GTPBP1: variants seen among roughly 807,000 people sequenced by gnomAD.
GTPBP1 encodes GTP binding protein 1, also known as GTP-binding protein 1.
In GTPBP1, 23 loss-of-function variants were observed where a neutral mutation model predicts 62.0. The ratio of observed to expected loss-of-function variants is 0.37; its 90% CI spans 0.27 to 0.53. GTPBP1 has a LOEUF of 0.53. GTPBP1 is among the 20% of genes least tolerant of loss of function. The pLI is 0.89. For synonymous variants in GTPBP1, 344 were observed against 364.4 expected (o/e 0.94, Z 0.64); for missense variants, 640 against 917.3 (o/e 0.70, Z 3.90).
chr22:38,737,584 C>T (rs55856268), downstream of GTPBP1, among the ~76,000 whole-genome samples: 18,629 of 152,160 alleles, frequency 0.12, 1,484 homozygotes, highest in Non-Finnish European at 0.17. The surrounding 1 kb of genome is among the most constrained non-coding windows in gnomAD (Gnocchi z 4.1). Context: ...GTGGCCTCCT[C>T]TTCCTGCCAC....
In GTPBP1 at chr22:38,726,827, C is replaced by T. The variant is rs2092729269; in HGVS notation, c.1402-386C>T. 1.3e-5 allele frequency among the ~76,000 whole-genome samples: 2 copies of T among 152,178 alleles called. No individual in the cohort carries two copies. The highest frequency in any genetic ancestry group is 2.9e-5 in the Non-Finnish European group (2 of 68,020). On this transcript the variant is annotated intron_variant, in intron 8 of 11. Coordinates refer to ENST00000216044, the MANE Select transcript of GTPBP1 (RefSeq NM_004286.5). This position sits in a 1 kb window ranked among gnomAD's most constrained non-coding sequence, Gnocchi z 4.1. ...CTGGGGTTTGGGGTGGGTTGTAGTT[C>T]AGGGGTCACCTACCTTTACCCACCA...
downstream of GTPBP1, chr22:38,738,164 A>G: frequency 6.2e-7 from 1 of 1,613,676 alleles, no homozygotes. This position sits in a 1 kb window ranked among gnomAD's most constrained non-coding sequence, Gnocchi z 6.6. Flanking sequence ...GCACAGCAGC[A>G]TCCCGTACCT....
chr22:38,719,246 A>G (rs985922928), intron 4 of GTPBP1, among the ~76,000 whole-genome samples: 4 of 152,196 alleles, frequency 2.6e-5, no homozygotes, highest in African/African-American at 9.7e-5. Flanking sequence ...ACCTCCAGCA[A>G]TCTGCCCACC....
chr22:38,737,093 CG>C (rs2092812335), downstream of GTPBP1, among the ~76,000 whole-genome samples: 11 of 152,218 alleles, frequency 7.2e-5, no homozygotes, highest in African/African-American at 2.4e-4. The surrounding 1 kb of genome is among the most constrained non-coding windows in gnomAD (Gnocchi z 4.1). Flanking sequence ...GCAATCCCCT[CG>C]CCTTGGCCTT....
intron 2 of GTPBP1, among the ~76,000 whole-genome samples, chr22:38,713,834 A>G (rs371353805): frequency 1.3e-5 from 2 of 152,236 alleles, no homozygotes; most frequent in East Asian, 1.9e-4. Context: ...GAGTTTGGAT[A>G]TCAGACTTCT....
At chr22:38,724,208 A>G in intron 5 of GTPBP1, 89 bp from the exon 6 acceptor site, 1 of 750,734 alleles carries the variant, frequency 1.3e-6, no homozygotes, top group African/African-American at 1.7e-5. Flanking sequence ...TCCTGCTTGC[A>G]TCAGTAATGA....
intron 10 of GTPBP1, 110 bp downstream of exon 10, chr22:38,728,271 C>A: frequency 1.3e-6 from 1 of 770,186 alleles, no homozygotes; most frequent in Non-Finnish European, 2.2e-6. Context: ...GAGAGCTGGA[C>A]CCACTGAGGT....
At chr22:38,724,973 A>G (rs184841143) in intron 6 of GTPBP1, among the ~76,000 whole-genome samples, 28 of 152,306 alleles carry the variant, frequency 1.8e-4, no homozygotes, top group African/African-American at 6.3e-4. Flanking sequence ...ATTGAACACA[A>G]TCCTTGTCCT....
At chr22:38,741,946 GC>G (rs1263062885), downstream of GTPBP1, among the ~76,000 whole-genome samples, 3 of 139,574 alleles carry the variant, frequency 2.1e-5, no homozygotes, top group South Asian at 2.3e-4. Context: ...TTCGAGACCA[GC>G]CTGGCCAACT....
chr22:38,730,657 A>G lies in GTPBP1; in HGVS notation c.1963A>G (p.Lys655Glu). 2 of 1,606,122 alleles carry G rather than the reference A, an allele frequency of 1.2e-6. No homozygotes were observed. Among genetic ancestry groups the G allele is most frequent in the Non-Finnish European group, 1.7e-6 (2 of 1,179,206 alleles). The change falls in exon 12 of 12, where the codon AAG (lysine) becomes GAG (glutamate). Residue 655 changes from lysine to glutamate, a missense_variant. By Grantham distance (56) the Lys-to-Glu change is moderately conservative. This residue lies in a region of GTPBP1 where 117 missense variants were observed against 107.1 expected (regional missense o/e 1.09). Transcript: ENST00000216044. The surrounding 1 kb of genome is among the most constrained non-coding windows in gnomAD (Gnocchi z 5.6). ...CCGGCGACGAGGGGGCCAGCGCCAC[A>G]AGGTGAAGTCCCAGGGGGCCTGTGT... Reference protein sequence around the residue: ...GGRRRGGQRHKVKSQGACVTP... With the variant: ...GGRRRGGQRHEVKSQGACVTP...
At position 38,728,178 on chromosome 22, in the gene GTPBP1, C is replaced by T. The variant is rs763051240; in HGVS notation, c.1716+17C>T. The T allele has an allele frequency of 6.3e-7, 1 of 1,593,624 alleles. No individual in the cohort carries two copies. The highest frequency in any genetic ancestry group is 1.1e-5 in the South Asian group (1 of 90,246). On this transcript the variant is annotated intron_variant, in intron 10 of 11. Coordinates refer to ENST00000216044, the MANE Select transcript of GTPBP1 (RefSeq NM_004286.5). ...ATCACCAAGGTATGGCCAGGACAGA[C>T]CTTGCCTGCCTCCAGGAAGCACCAG...
chr22:38,738,942 CTTGGTCTCG>C, downstream of GTPBP1: 1 of 1,613,674 alleles, frequency 6.2e-7, no homozygotes, highest in Non-Finnish European at 8.5e-7. This position sits in a 1 kb window ranked among gnomAD's most constrained non-coding sequence, Gnocchi z 6.6. Context: ...GGAGGGCCGT[CTTGGTCTCG>C]TAGGTCTCAG....
At chr22:38,741,523 G>A, downstream of GTPBP1, 1 of 1,614,020 alleles carries the variant, frequency 6.2e-7, no homozygotes, top group South Asian at 1.1e-5. Context: ...TTCTTGAAGA[G>A]GTCTTCTGAG....
rs1031031899 is a variant in GTPBP1 at position 38,716,487 on chromosome 22, C to T, written c.486-165C>T. 5.9e-5 allele frequency among the ~76,000 whole-genome samples: 9 copies of T among 152,118 alleles called. No homozygotes were observed. Among genetic ancestry groups the T allele is most frequent in the African/African-American group, 1.9e-4 (8 of 41,440 alleles). ...TTCTGATGACTCTACAGCAGCAGCT[C>T]TAGGAACCTTCCCACTGTGCTCCTC... is the stretch of plus-strand genomic sequence containing the variant. On this transcript the variant is annotated intron_variant, in intron 3 of 11. Coordinates refer to ENST00000216044, the MANE Select transcript of GTPBP1 (RefSeq NM_004286.5). This position sits in a 1 kb window ranked among gnomAD's most constrained non-coding sequence, Gnocchi z 5.2.
chr22:38,728,337 T>A (rs1321968928), intron 10 of GTPBP1, 176 bp downstream of exon 10: 1 of 588,310 alleles, frequency 1.7e-6, no homozygotes, highest in Non-Finnish European at 3.1e-6. Context: ...CCTCCTGTCC[T>A]GGGCAGTGGT....
intron 6 of GTPBP1, among the ~76,000 whole-genome samples, chr22:38,724,733 G>A (rs1326166516): frequency 6.6e-6 from 1 of 152,164 alleles, no homozygotes; most frequent in Non-Finnish European, 1.5e-5. Flanking sequence ...TAGGGCTCCC[G>A]TGAATGTTGG....
rs909628407 is a variant in GTPBP1, at chr22:38,716,573, A to G, written c.486-79A>G. 4.7e-6 allele frequency: 5 copies of G among 1,064,290 alleles called. No individual in the cohort carries two copies. The African/African-American group carries it at 4.7e-5, about 10-fold the overall frequency. The allele number at this position is 1,064,290 out of a possible 1,614,324, so 65.9% of individuals were successfully genotyped here. On this transcript the variant is annotated intron_variant, in intron 3 of 11. Transcript: ENST00000216044. This position sits in a 1 kb window ranked among gnomAD's most constrained non-coding sequence, Gnocchi z 5.2. ...GGGCAAGCCTGGACTTGCGGATCCA[A>G]TTACTGGGGTTATGATGGTCGCTCC...
At chr22:38,735,039 C>G (rs547013634), downstream of GTPBP1, 18 of 315,766 alleles carry the variant, frequency 5.7e-5, no homozygotes, top group Admixed American at 1.3e-4. Context: ...TGAGTATCAC[C>G]CAGTGCCCCA....
chr22:38,708,234 A>T (rs945498558), intron 1 of GTPBP1, among the ~76,000 whole-genome samples: 1 of 152,212 alleles, frequency 6.6e-6, no homozygotes, highest in Non-Finnish European at 1.5e-5. Context: ...ACCCAAGTAA[A>T]TGGTTGACAC....
Sources: gnomAD v4.1 joint callset for allele counts (sites outside exome capture counted in the v4.1 genomes callset) on GRCh38, gnomAD v4.1.1 for gene constraint, gnomAD v4.1.1 regional missense constraint, Gnocchi (gnomAD v3.1) non-coding constraint, MANE v1.5 for transcripts, NCBI Gene and HGNC (gene_info 2026-07-23, HGNC 2026-07-21) for gene names.